Variants in SEM1 observed in about 807,000 individuals in gnomAD.
The protein encoded by SEM1 is 26S proteasome complex subunit SEM1.
SEM1 carries 3 observed loss-of-function variants against 12.7 expected under a neutral mutation model. The ratio of observed to expected loss-of-function variants is 0.24; its 90% CI spans 0.11 to 0.61. The LOEUF (loss-of-function observed/expected upper bound fraction) is 0.61, where lower values mean the gene tolerates loss of function less well. Ranked by LOEUF, SEM1 falls within the 20% of genes least tolerant of loss-of-function variation. The pLI is 0.88. For missense variants in SEM1, 59 were observed against 81.3 expected (o/e 0.73, Z 1.06); for synonymous variants, 30 against 27.8 (o/e 1.08, Z -0.25).
intron 1 of SEM1, among the ~76,000 whole-genome samples, chr7:96,700,441 T>C (rs892897105): frequency 9.9e-5 from 15 of 152,140 alleles, no homozygotes; most frequent in African/African-American, 3.6e-4. Flanking sequence ...CCCAAATCTA[T>C]GTATATTCAG....
At chr7:96,673,985 C>A (rs899581343) in intron 2 of SEM1, 2 of 634,124 alleles carry the variant, frequency 3.2e-6, no homozygotes, top group Non-Finnish European at 5.7e-6. Context: ...CCAGTCCCAT[C>A]CCCATCTCTA....
At chr7:96,680,980 C>T (rs17167701) in intron 2 of SEM1, among the ~76,000 whole-genome samples, 3,180 of 152,162 alleles carry the variant, frequency 0.021, 87 homozygotes, top group African/African-American at 0.073. Flanking sequence ...GATACCTTAG[C>T]TTAAATGATC....
Position 96,688,780 on chromosome 7 carries a change from T to C in SEM1, c.*144A>G. On this transcript the variant is annotated 3_prime_UTR_variant, in exon 3 of 3. Coordinates refer to ENST00000248566, the MANE Select transcript of SEM1 (RefSeq NM_006304.2). ...ACCAAACCAAGATTATATCAAAACA[T>C]TTATTTTTTGTGTTACAAAAACACA... The C allele has an allele frequency of 1.6e-6, 1 of 618,746 alleles. No individual in the cohort carries two copies. Among genetic ancestry groups the C allele is most frequent in the Non-Finnish European group, 2.9e-6 (1 of 350,280 alleles). 38.3% of individuals were successfully genotyped at this position (618,746 alleles called of 1,614,324 possible). A position where few individuals can be genotyped will look rare whatever the true frequency, so the allele number is the denominator to read the frequency against.
downstream of SEM1, among the ~76,000 whole-genome samples, chr7:96,617,908 A>G (rs919943138): frequency 1.3e-5 from 2 of 152,052 alleles, no homozygotes; most frequent in African/African-American, 4.8e-5. Context: ...ATGGTGTAGT[A>G]TGCTGTTGGA....
chr7:96,587,831 T>C (rs1463806411), intron 2 of SEM1, among the ~76,000 whole-genome samples: 1 of 152,180 alleles, frequency 6.6e-6, no homozygotes, highest in Non-Finnish European at 1.5e-5. Context: ...TATACTCACA[T>C]ATTATAACCT....
chr7:96,491,373 T>C (rs146134627), intron 1 of SEM1, among the ~76,000 whole-genome samples: 21 of 152,348 alleles, frequency 1.4e-4, no homozygotes, highest in Non-Finnish European at 2.5e-4. Flanking sequence ...GCTTTTAACA[T>C]GTCTTACTTC....
At chr7:96,693,413 C>A (rs1052946107) in intron 2 of SEM1, among the ~76,000 whole-genome samples, 8 of 151,896 alleles carry the variant, frequency 5.3e-5, no homozygotes, top group African/African-American at 1.9e-4. Flanking sequence ...TATTTCATAA[C>A]ATATACAAAA....
chr7:96,673,678 C>T (rs915023483), exon 3 of SEM1: 1 of 733,930 alleles, frequency 1.4e-6, no homozygotes, highest in East Asian at 2.5e-5. Flanking sequence ...ATGACTAGTG[C>T]TCAATAATAG....
chr7:96,641,075 C>A (rs1416346811), intron 2 of SEM1, among the ~76,000 whole-genome samples: 4 of 151,242 alleles, frequency 2.6e-5, no homozygotes, highest in Non-Finnish European at 3.0e-5. Flanking sequence ...ACATACTTTC[C>A]TAAAAATTTT....
intron 2 of SEM1, among the ~76,000 whole-genome samples, chr7:96,581,595 A>C (rs895043226): frequency 4.6e-5 from 7 of 152,146 alleles, no homozygotes; most frequent in African/African-American, 1.7e-4. Context: ...GATTCTTCCT[A>C]CCCATGAGCA....
At chr7:96,562,572 T>C (rs900857265) in intron 2 of SEM1, among the ~76,000 whole-genome samples, 2 of 152,224 alleles carry the variant, frequency 1.3e-5, no homozygotes, top group African/African-American at 4.8e-5. Context: ...GGATGGTCAA[T>C]GGAAACTTCT....
At chr7:96,569,951 G>C (rs1805966597) in intron 2 of SEM1, among the ~76,000 whole-genome samples, 1 of 151,998 alleles carries the variant, frequency 6.6e-6, no homozygotes, top group Non-Finnish European at 1.5e-5. Context: ...AACTTAGGTT[G>C]ATTCTTTGCT....
At chr7:96,613,509 T>C (rs757326398) in intron 2 of SEM1, among the ~76,000 whole-genome samples, 6 of 152,228 alleles carry the variant, frequency 3.9e-5, no homozygotes, top group Non-Finnish European at 5.9e-5. Context: ...AATTAGCGTA[T>C]CTATCACCTC....
intron 2 of SEM1, among the ~76,000 whole-genome samples, chr7:96,555,977 T>C (rs1274706336): frequency 8.1e-6 from 1 of 124,060 alleles, no homozygotes; most frequent in African/African-American, 2.8e-5. Flanking sequence ...TCTTTGCTGG[T>C]TTAAAGTCTG....
At chr7:96,514,321 T>C (rs1804023996) in intron 2 of SEM1, among the ~76,000 whole-genome samples, 1 of 152,090 alleles carries the variant, frequency 6.6e-6, no homozygotes, top group African/African-American at 2.4e-5. Flanking sequence ...TAAGCAATCC[T>C]CCCATCTCAG....
chr7:96,687,810 T>C (rs1264381911), downstream of SEM1: 1 of 151,918 alleles, frequency 6.6e-6, no homozygotes, highest in East Asian at 1.9e-4. Context: ...AGAAAAAAAG[T>C]ATCACTTATC....
At chr7:96,517,272 C>A (rs915067203) in intron 2 of SEM1, among the ~76,000 whole-genome samples, 1 of 151,040 alleles carries the variant, frequency 6.6e-6, no homozygotes, top group African/African-American at 2.4e-5. Flanking sequence ...AACAAATGTA[C>A]CATTCTGGTG....
At chr7:96,540,961 C>A (rs919913413) in intron 2 of SEM1, among the ~76,000 whole-genome samples, 2 of 151,654 alleles carry the variant, frequency 1.3e-5, no homozygotes, top group Non-Finnish European at 2.9e-5. Flanking sequence ...ATATATGGAC[C>A]ACATTTTCTT....
chr7:96,578,641 A>G (rs953437), intron 2 of SEM1, among the ~76,000 whole-genome samples: 8,771 of 152,276 alleles, frequency 0.058, 818 homozygotes, highest in African/African-American at 0.2. Context: ...AAGACAAGAC[A>G]TTGGTAAAGA....
Sources: gnomAD v4.1 joint callset for allele counts (sites outside exome capture counted in the v4.1 genomes callset) on GRCh38, gnomAD v4.1.1 for gene constraint, MANE v1.5 for transcripts, NCBI Gene and HGNC (gene_info 2026-07-23, HGNC 2026-07-21) for gene names.